The following RPS12 variants were observed in gnomAD, a reference collection of about 807,000 sequenced individuals.
The protein encoded by RPS12 is small ribosomal subunit protein eS12.
In RPS12, 1 loss-of-function variant was observed where a neutral mutation model predicts 17.2. The ratio of observed to expected loss-of-function variants is 0.06; its 90% confidence interval spans 0.02 to 0.28. The LOEUF (loss-of-function observed/expected upper bound fraction) is 0.28. Among genes scored for constraint, RPS12 ranks in the 10% least tolerant of loss-of-function variants. The pLI, the probability that RPS12 is intolerant of heterozygous loss-of-function variation, is 1.00. For synonymous variants in RPS12, 67 were observed against 54.0 expected (o/e 1.24, Z -1.06); for missense variants, 146 against 162.1 (o/e 0.90, Z 0.54).
intron 3 of RPS12, chr6:132,815,782 G>A (rs1172060788): frequency 2.2e-6 from 1 of 455,944 alleles, no homozygotes; most frequent in African/African-American, 2.0e-5. Flanking sequence ...TTTCTATTTC[G>A]GCATTATTGC....
chr6:132,817,179 T>A (rs754283480), intron 5 of RPS12, 118 bp downstream of exon 5: 2 of 806,104 alleles, frequency 2.5e-6, no homozygotes, highest in South Asian at 2.8e-5. Context: ...GTTTAAAGCA[T>A]TTTCTGCATT....
chr6:132,817,305 TAAG>T (rs766590911), intron 5 of RPS12, 172 bp from the exon 6 acceptor site: 1 of 776,456 alleles, frequency 1.3e-6, no homozygotes, highest in Non-Finnish European at 2.3e-6. Context: ...TTACGAGCCT[TAAG>T]GACATTGAAG....
intron 4 of RPS12, 29 bp from the exon 5 acceptor site, chr6:132,816,931 T>C (rs1246737158): frequency 6.7e-5 from 46 of 689,468 alleles, no homozygotes; most frequent in Non-Finnish European, 8.0e-5. Context: ...TAATGTGATT[T>C]TTTTTTTTTT....
At chr6:132,816,811 G>A in intron 4 of RPS12, 149 bp from the exon 5 acceptor site, 1 of 773,110 alleles carries the variant, frequency 1.3e-6, no homozygotes. Flanking sequence ...TGCTGTACAT[G>A]ATGACAACTG....
chr6:132,816,682 T>C, intron 4 of RPS12, 119 bp downstream of exon 4: 2 of 796,312 alleles, frequency 2.5e-6, no homozygotes, highest in Non-Finnish European at 2.2e-6. Flanking sequence ...GTGCACCTGA[T>C]ACTGTCGGCC....
At position 132,816,961 on chromosome 6, in the gene RPS12, T is replaced by G. The variant is rs1231085097; in HGVS notation, c.236T>G (p.Val79Gly). ...TTTTTTTAACCTTTCTCCCAATAGG[T>G]TGATGACAACAAGAAACTAGGAGAA... Reference protein sequence around the residue: ...CAEHQINLIKVDDNKKLGEWV... With the variant: ...CAEHQINLIKGDDNKKLGEWV... The change falls in exon 5 of 6, where the codon GTT becomes GGT. Residue 79 changes from valine (V) to glycine (G), a missense_variant and splice_region_variant. Val to Gly is a moderately radical substitution (Grantham distance 109). Transcript: ENST00000230050. 1.9e-6 allele frequency: 3 copies of G among 1,595,376 alleles called. No homozygotes were observed.
intron 3 of RPS12, chr6:132,815,362 C>CTT (rs1376091843): frequency 1.6e-6 from 1 of 622,110 alleles, no homozygotes; most frequent in African/African-American, 1.8e-5. Flanking sequence ...ATGAGTGAAA[C>CTT]ATAAGAGTCT....
At chr6:132,816,364 T>C in intron 3 of RPS12, 97 bp from the exon 4 acceptor site, 1 of 859,398 alleles carries the variant, frequency 1.2e-6, no homozygotes. Flanking sequence ...TGCTTATGTT[T>C]CGCAAGTGTT....
At position 132,814,975 on chromosome 6, in the gene RPS12, T is replaced by G. The variant is rs1196169819; in HGVS notation, c.18T>G (p.Ile6Met). The change falls in exon 3 of 6, where the codon ATT (isoleucine) becomes ATG (methionine). Residue 6 changes from isoleucine (I) to methionine (M), a missense_variant. This residue lies in a region of RPS12 where 117 missense variants were observed against 104.6 expected (regional missense o/e 1.12). Transcript: ENST00000230050. ...GTTCTGATGTGTCGCGTTTAAGCAT[T>G]GCTGCTGGAGGTGTAATGGACGTTA... is the stretch of plus-strand genomic sequence containing the variant. MAEEGIAAGGVMDVNT... is the reference protein window; with the variant it reads MAEEGMAAGGVMDVNT... 2 of 1,605,008 alleles carry G rather than the reference T, an allele frequency of 1.2e-6. No homozygotes were observed. The highest frequency in any genetic ancestry group is 2.7e-5 in the African/African-American group (2 of 74,696).
chr6:132,815,880 T>TC (rs1410113903), intron 3 of RPS12: 1 of 445,330 alleles, frequency 2.2e-6, no homozygotes, highest in South Asian at 1.6e-5. Flanking sequence ...TCTTGCTCTG[T>TC]CCCCCAGGCT....
intron 5 of RPS12, 43 bp from the exon 6 acceptor site, chr6:132,817,437 A>G (rs1166499358): frequency 5.4e-6 from 7 of 1,284,732 alleles, no homozygotes; most frequent in African/African-American, 2.9e-5. Flanking sequence ...TGAAATTCCT[A>G]AATATTAACA....
At chr6:132,815,386 G>A (rs908383584) in intron 3 of RPS12, 2 of 585,644 alleles carry the variant, frequency 3.4e-6, no homozygotes, top group African/African-American at 1.8e-5. Flanking sequence ...AAACCTGTAG[G>A]TTGTGGAGCT....
rs1000421697 is a variant in RPS12, at chr6:132,814,751, C to T, written c.-18C>T. Reference sequence around the variant, plus strand: ...TTTTAGTGCGTTCAAGATTCAACTTCACCCGTAACCCACCGCCATGGCCGA... The same window carrying T: ...TTTTAGTGCGTTCAAGATTCAACTTTACCCGTAACCCACCGCCATGGCCGA... On this transcript the variant is annotated 5_prime_UTR_variant, in exon 2 of 6. Coordinates refer to ENST00000230050, the MANE Select transcript of RPS12 (RefSeq NM_001016.4). 1.2e-6 allele frequency: 2 copies of T among 1,613,308 alleles called. No homozygotes were observed. The highest frequency in any genetic ancestry group is 1.7e-6 in the Non-Finnish European group (2 of 1,179,458).
intron 2 of RPS12, 71 bp downstream of exon 2, chr6:132,814,853 C>A: frequency 4.7e-6 from 7 of 1,491,828 alleles, no homozygotes; most frequent in Non-Finnish European, 5.6e-6. Flanking sequence ...GCTGGCGGAA[C>A]AGGACTGGGT....
At chr6:132,815,635 A>G (rs1364954547) in intron 3 of RPS12, 1 of 456,596 alleles carries the variant, frequency 2.2e-6, no homozygotes, top group South Asian at 1.5e-5. Flanking sequence ...AAATCAACCT[A>G]CTCTTGAGCT....
At chr6:132,814,916 A>AC in intron 2 of RPS12, 56 bp from the exon 3 acceptor site, 3 of 1,366,210 alleles carry the variant, frequency 2.2e-6, no homozygotes, top group Non-Finnish European at 3.1e-6. Flanking sequence ...TGCTGAGTGC[A>AC]AGGCCTTATG....
intron 3 of RPS12, chr6:132,815,812 C>T (rs551134537): frequency 3.3e-5 from 15 of 451,008 alleles, no homozygotes; most frequent in Admixed American, 2.2e-4. Context: ...CATAACTGTT[C>T]CATTAATGCC....
intron 3 of RPS12, chr6:132,815,863 C>T (rs1782044217): frequency 2.4e-6 from 1 of 423,362 alleles, no homozygotes; most frequent in Non-Finnish European, 4.6e-6. Flanking sequence ...TTTTTTGAGA[C>T]AAAGAGTCTT....
rs1006669276 is a variant in RPS12 at position 132,814,577 on chromosome 6, C to T, written c.-74C>T. On this transcript the variant is annotated 5_prime_UTR_variant, in exon 1 of 6. Transcript: ENST00000230050. ...ATGCGTGCGGATGAGGCCTCTTTCC[C>T]TGCCGCCGCCGAGTCGCGCGGAGGC... 12 of 752,250 alleles carry T rather than the reference C, an allele frequency of 1.6e-5. No individual in the cohort carries two copies. Among genetic ancestry groups the T allele is most frequent in the African/African-American group, 5.2e-5 (3 of 58,192 alleles). The allele number at this position is 752,250 out of a possible 1,614,324, so 46.6% of individuals were successfully genotyped here. A position where few individuals can be genotyped will look rare whatever the true frequency, so the allele number is the denominator to read the frequency against.
Sources: allele counts gnomAD v4.1 joint callset, GRCh38; gene constraint gnomAD v4.1.1; regional missense constraint gnomAD v4.1.1; transcripts MANE v1.5; gene names NCBI Gene and HGNC (gene_info 2026-07-23, HGNC 2026-07-21).